The following GRID1 variants were observed in gnomAD, a reference collection of about 807,000 sequenced individuals.
The protein encoded by GRID1 is glutamate receptor ionotropic, delta-1.
Under a neutral mutation model 98.0 loss-of-function variants are expected in GRID1, and 28 were observed. The observed-to-expected ratio is 0.29, with a 90% CI of 0.21 to 0.39. GRID1 has a LOEUF of 0.39. Ranked by LOEUF, GRID1 falls within the 10% of genes least tolerant of loss-of-function variation. The probability of loss-of-function intolerance (pLI) is 1.00; values close to 1 mark genes in which losing one functional copy is unlikely to be tolerated. For missense variants in GRID1, 1,111 were observed against 1,340.5 expected (o/e 0.83, Z 2.67); for synonymous variants, 553 against 538.5 (o/e 1.03, Z -0.37).
intron 4 of GRID1, among the ~76,000 whole-genome samples, chr10:85,930,937 A>G (rs1306243855): frequency 1.3e-5 from 2 of 151,962 alleles, no homozygotes; most frequent in Non-Finnish European, 2.9e-5. Context: ...GACCTCCGGG[A>G]TCAAGCAATC....
chr10:86,204,738 T>C (rs576468232), intron 3 of GRID1, among the ~76,000 whole-genome samples: 5 of 152,150 alleles, frequency 3.3e-5, no homozygotes, highest in African/African-American at 4.8e-5. Context: ...GCAGGCCAGA[T>C]TGGAAACAGA....
intron 8 of GRID1, among the ~76,000 whole-genome samples, chr10:85,743,639 G>A (rs1334231655): frequency 6.6e-6 from 1 of 152,096 alleles, no homozygotes. Flanking sequence ...AGCTGAAAAA[G>A]AAGCTACTTT....
chr10:86,111,373 C>A lies in GRID1; in HGVS notation c.726+27446G>T, dbSNP rs568267426. Among the ~76,000 whole-genome samples, 112 of 152,280 alleles carry A rather than the reference C, an allele frequency of 7.4e-4. 1 individual carries two copies. The highest frequency in any genetic ancestry group is 1.3e-3 in the Non-Finnish European group (91 of 68,024). Reference sequence around the variant, plus strand: ...TGGGGCAACCATCCAATCAACCATGCCCAGCCACTGACCTTAAAGACCTCC... The same window carrying A: ...TGGGGCAACCATCCAATCAACCATGACCAGCCACTGACCTTAAAGACCTCC... On this transcript the variant is annotated intron_variant, in intron 4 of 15. Transcript: ENST00000327946.
At chr10:85,987,976 C>T (rs17106113) in intron 4 of GRID1, among the ~76,000 whole-genome samples, 25,614 of 152,058 alleles carry the variant, frequency 0.17, 2,456 homozygotes, top group East Asian at 0.29. Flanking sequence ...GGTTTGTCAC[C>T]ACCAAATCCC....
chr10:86,189,040 T>G (rs140929174), intron 3 of GRID1, among the ~76,000 whole-genome samples: 231 of 152,242 alleles, frequency 1.5e-3, no homozygotes, highest in Non-Finnish European at 2.5e-3. Flanking sequence ...ACACCCATTT[T>G]CCACCATCCA....
chr10:86,345,614 C>G (rs1848370738), intron 2 of GRID1, among the ~76,000 whole-genome samples: 2 of 152,192 alleles, frequency 1.3e-5, no homozygotes, highest in Non-Finnish European at 2.9e-5. Flanking sequence ...CCTGCAGAGG[C>G]AGGGGTTGGG....
At chr10:86,277,056 G>A (rs74813218) in intron 2 of GRID1, among the ~76,000 whole-genome samples, 4,468 of 152,178 alleles carry the variant, frequency 0.029, 219 homozygotes, top group African/African-American at 0.1. Context: ...TCCAAGAGCC[G>A]GGGGGAGAGG....
At chr10:85,809,998 C>T (rs1042339090) in intron 8 of GRID1, among the ~76,000 whole-genome samples, 5 of 152,232 alleles carry the variant, frequency 3.3e-5, no homozygotes, top group Non-Finnish European at 7.3e-5. Context: ...TTTTGTACTT[C>T]CATTATCCAA....
At chr10:85,750,884 C>T (rs984818431) in intron 8 of GRID1, among the ~76,000 whole-genome samples, 2 of 152,124 alleles carry the variant, frequency 1.3e-5, no homozygotes, top group Admixed American at 1.3e-4. Context: ...AAAGTAGTTA[C>T]GGTCCACCTC....
chr10:86,166,109 A>G (rs1331327417), intron 3 of GRID1, among the ~76,000 whole-genome samples: 1 of 151,926 alleles, frequency 6.6e-6, no homozygotes, highest in Admixed American at 6.6e-5. Flanking sequence ...TATCACTGTC[A>G]CTATCTTTTT....
chr10:85,920,649 T>C (rs529526071), intron 4 of GRID1, among the ~76,000 whole-genome samples: 37 of 152,330 alleles, frequency 2.4e-4, no homozygotes, highest in African/African-American at 8.2e-4. Context: ...GACGTGGTGT[T>C]TCCCTCCCAT....
At chr10:86,064,593 C>A (rs937177816) in intron 4 of GRID1, among the ~76,000 whole-genome samples, 7 of 152,232 alleles carry the variant, frequency 4.6e-5, no homozygotes, top group African/African-American at 1.7e-4. Context: ...GTAGGCAAAG[C>A]TGGCCATGCT....
chr10:85,986,541 A>G (rs907274214), intron 4 of GRID1, among the ~76,000 whole-genome samples: 1 of 152,208 alleles, frequency 6.6e-6, no homozygotes, highest in Non-Finnish European at 1.5e-5. Context: ...AGCCTGCATC[A>G]TCGCCAGACC....
At chr10:86,336,317 G>A (rs1848220640) in intron 2 of GRID1, among the ~76,000 whole-genome samples, 2 of 152,194 alleles carry the variant, frequency 1.3e-5, no homozygotes, top group Admixed American at 1.3e-4. Context: ...CCCAGCCCCT[G>A]GCCAAGCACA....
At chr10:85,993,063 A>C (rs188311777) in intron 4 of GRID1, among the ~76,000 whole-genome samples, 105 of 152,192 alleles carry the variant, frequency 6.9e-4, no homozygotes, top group Middle Eastern at 3.4e-3. Context: ...TAAAAAGGAC[A>C]CCTCCTGAGG....
intron 8 of GRID1, among the ~76,000 whole-genome samples, chr10:85,811,729 T>G (rs1420232206): frequency 6.6e-6 from 1 of 152,078 alleles, no homozygotes; most frequent in Non-Finnish European, 1.5e-5. Flanking sequence ...AATAACTATT[T>G]GCATTATGAG....
intron 8 of GRID1, among the ~76,000 whole-genome samples, chr10:85,750,063 C>T (rs1223971693): frequency 6.6e-6 from 1 of 152,182 alleles, no homozygotes; most frequent in Non-Finnish European, 1.5e-5. Context: ...TCCTTCAGCA[C>T]TTATTAAAAT....
chr10:85,940,649 C>T (rs929613671), intron 4 of GRID1, among the ~76,000 whole-genome samples: 2 of 152,198 alleles, frequency 1.3e-5, no homozygotes, highest in Admixed American at 1.3e-4. Context: ...TCCATAATAA[C>T]TCATCCAATG....
chr10:85,724,707 C>T, intron 10 of GRID1, 31 bp from the exon 11 acceptor site: 3 of 1,568,074 alleles, frequency 1.9e-6, no homozygotes, highest in Non-Finnish European at 2.6e-6. Flanking sequence ...ATTTAGACGG[C>T]AGTCCTCAGC....
Sources: allele counts gnomAD v4.1 joint callset (sites outside exome capture counted in the v4.1 genomes callset), GRCh38; gene constraint gnomAD v4.1.1; transcripts MANE v1.5; gene names NCBI Gene and HGNC (gene_info 2026-07-23, HGNC 2026-07-21).